Variants in F10 observed in about 807,000 individuals in gnomAD.
The protein encoded by F10 is coagulation factor X, also known as Stuart-Prower factor.
In F10, 29 loss-of-function variants were observed where a neutral mutation model predicts 37.1. The observed-to-expected ratio is 0.78, with a 90% CI of 0.58 to 1.07. The LOEUF (loss-of-function observed/expected upper bound fraction) is 1.07, where lower values mean the gene tolerates loss of function less well. Among genes scored for constraint, F10 ranks in the 50% least tolerant of loss-of-function variants. The probability of loss-of-function intolerance (pLI) is 0.00; values close to 1 mark genes in which losing one functional copy is unlikely to be tolerated. For missense variants in F10, 539 were observed against 667.9 expected (o/e 0.81, Z 2.13); for synonymous variants, 262 against 268.6 (o/e 0.98, Z 0.24).
chr13:113,140,873 C>T, intron 4 of F10, 46 bp from the exon 5 acceptor site: 5 of 1,613,628 alleles, frequency 3.1e-6, no homozygotes, highest in Non-Finnish European at 3.4e-6. Flanking sequence ...AGCCCAGCCT[C>T]CATTTCTCCA....
At chr13:113,137,996 G>C (rs2036494782) in intron 2 of F10, among the ~76,000 whole-genome samples, 1 of 152,164 alleles carries the variant, frequency 6.6e-6, no homozygotes, top group East Asian at 1.9e-4. Context: ...ATAAGCCTGT[G>C]GACATTTTTT....
At chr13:113,126,150 G>GC (rs1276346773) in intron 1 of F10, among the ~76,000 whole-genome samples, 4 of 152,140 alleles carry the variant, frequency 2.6e-5, no homozygotes, top group African/African-American at 9.7e-5. Flanking sequence ...GGCCTGGGAG[G>GC]CCTGGCCATG....
intron 5 of F10, among the ~76,000 whole-genome samples, chr13:113,142,279 T>C (rs141687158): frequency 0.078 from 11,816 of 152,136 alleles, 577 homozygotes; most frequent in Non-Finnish European, 0.11. Flanking sequence ...CAGTAGCTCA[T>C]GCCTGTAATC....
chr13:113,124,692 AGTCACGGAAGTTCTTCTGGGGC>A (rs1466137204), intron 1 of F10, among the ~76,000 whole-genome samples: 1 of 152,264 alleles, frequency 6.6e-6, no homozygotes, highest in Non-Finnish European at 1.5e-5. Flanking sequence ...CTGTCCTGGC[AGTCACGGAAGTTCTTCTGGGGC>A]GGTGGGACCT....
Position 113,149,009 on chromosome 13 carries a change from ACTTCGACATCG to A in F10, c.961_971del (p.Phe321ArgfsTer23). On this transcript the variant is annotated frameshift_variant, in exon 8 of 8. Coordinates refer to ENST00000375559, the MANE Select transcript of F10 (RefSeq NM_000504.4). LOFTEE classifies it low-confidence loss of function (END_TRUNC). This position sits in a 1 kb window ranked among gnomAD's most constrained non-coding sequence, Gnocchi z 7.5. ...AACCGGTTCACAAAGGAGACCTATGACTTCGACATCGCCGTGCTCCGGCTCAAGACCCCCAT... is the reference window on the plus strand; with the variant it reads ...AACCGGTTCACAAAGGAGACCTATGACCGTGCTCCGGCTCAAGACCCCCAT... 6.2e-7 allele frequency: 1 copy of A among 1,613,492 alleles called. No individual in the cohort carries two copies. The highest frequency in any genetic ancestry group is 8.5e-7 in the Non-Finnish European group (1 of 1,180,004).
chr13:113,148,345 A>AAAAAATATAT (rs1300922846), intron 7 of F10, among the ~76,000 whole-genome samples: 13 of 95,414 alleles, frequency 1.4e-4, no homozygotes, highest in African/African-American at 4.7e-4. Context: ...AAAAAAAAAA[A>AAAAAATATAT]ATATATATAT....
chr13:113,132,882 CA>C (rs2036446838), intron 2 of F10, among the ~76,000 whole-genome samples: 2 of 152,206 alleles, frequency 1.3e-5, no homozygotes, highest in South Asian at 4.2e-4. Flanking sequence ...ATTGAACTCA[CA>C]TAAAGTATGT....
Position 113,136,836 on chromosome 13 carries a change from G to T in F10, c.232-1621G>T, listed in dbSNP as rs1461216867. Among the ~76,000 whole-genome samples the T allele has an allele frequency of 7.2e-5, 3 of 41,700 alleles. 1 individual carries two copies. The highest frequency in any genetic ancestry group is 1.7e-4 in the African/African-American group (3 of 17,556). 27.4% of individuals were successfully genotyped at this position (41,700 alleles called of 152,430 possible). ...CGGCTAATTTTTTGTATTTTTAGTA[G>T]AGACGGGGTTTCACCGTTTTAGCTG... On this transcript the variant is annotated intron_variant, in intron 2 of 7. Transcript: ENST00000375559.
rs1555396300 is a variant in F10, at chr13:113,148,345, A to AATATATATATATATATATAT, written c.866-553_866-552insATATATATATATATATATAT. ...AACTCTGTCTCAAAAAAAAAAAAAA[A>AATATATATATATATATATAT]ATATATATATATATATATGTATATA... is the stretch of plus-strand genomic sequence containing the variant. On this transcript the variant is annotated intron_variant, in intron 7 of 7. Coordinates refer to ENST00000375559, the MANE Select transcript of F10 (RefSeq NM_000504.4). Among the ~76,000 whole-genome samples the AATATATATATATATATATAT allele has an allele frequency of 4.3e-4, 41 of 95,388 alleles. No individual in the cohort carries two copies. In the East Asian group the frequency reaches 0.012, roughly 28 times the overall value. The allele number at this position is 95,388 out of a possible 152,430, so 62.6% of individuals were successfully genotyped here.
chr13:113,136,112 G>A (rs190524571), intron 2 of F10, among the ~76,000 whole-genome samples: 1 of 152,196 alleles, frequency 6.6e-6, no homozygotes, highest in East Asian at 1.9e-4. Context: ...GAGGATATAT[G>A]GATAGAAAAT....
chr13:113,144,436 C>T lies in F10; in HGVS notation c.747+341C>T, dbSNP rs993081251. Among the ~76,000 whole-genome samples the T allele has an allele frequency of 2.0e-5, 3 of 152,304 alleles. No homozygotes were observed. Among genetic ancestry groups the T allele is most frequent in the South Asian group, 2.1e-4 (1 of 4,832 alleles). ...AAGAGAGGGAGAAGGCGCAGCCACA[C>T]GCTCAAGTGTCCTCAAACCTCCCCT... is the stretch of plus-strand genomic sequence containing the variant. On this transcript the variant is annotated intron_variant, in intron 6 of 7. Coordinates refer to ENST00000375559, the MANE Select transcript of F10 (RefSeq NM_000504.4). This position sits in a 1 kb window ranked among gnomAD's most constrained non-coding sequence, Gnocchi z 6.4.
In F10 at chr13:113,146,868, T is replaced by C. The variant is rs1412846068; in HGVS notation, c.748-511T>C. Among the ~76,000 whole-genome samples, 5 of 152,034 alleles carry C rather than the reference T, an allele frequency of 3.3e-5. No individual in the cohort carries two copies. The highest frequency in any genetic ancestry group is 5.9e-5 in the Non-Finnish European group (4 of 68,006). ...TGCTCCCCTGGGACCGTGTTCCAAG[T>C]CCTGGCAGGTAGGAGACCCTTCACA... On this transcript the variant is annotated intron_variant, in intron 6 of 7. Transcript: ENST00000375559. This position sits in a 1 kb window ranked among gnomAD's most constrained non-coding sequence, Gnocchi z 4.5.
Position 113,146,770 on chromosome 13 carries a change from C to T in F10, c.748-609C>T, listed in dbSNP as rs778922086. ...GGGAAACTCCCCAGAGAAAAGAAAA[C>T]CAAAATATGCCCGGGCTCCAAACTT... On this transcript the variant is annotated intron_variant, in intron 6 of 7. Coordinates refer to ENST00000375559, the MANE Select transcript of F10 (RefSeq NM_000504.4). The surrounding 1 kb of genome is among the most constrained non-coding windows in gnomAD (Gnocchi z 4.5). 2.6e-5 allele frequency among the ~76,000 whole-genome samples: 4 copies of T among 152,134 alleles called. No homozygotes were observed. Among genetic ancestry groups the T allele is most frequent in the Non-Finnish European group, 4.4e-5 (3 of 68,028 alleles).
In F10 at chr13:113,143,612, T is replaced by G. The variant is rs1409263742; in HGVS notation, c.503-239T>G. The stretch of plus-strand genomic sequence containing the variant: ...TCCCCTCGCTGCCTGGGTTGCTGCC[T>G]GGCGTCCATTGTTCACAGGCGGTCA... On this transcript the variant is annotated intron_variant, in intron 5 of 7. Coordinates refer to ENST00000375559, the MANE Select transcript of F10 (RefSeq NM_000504.4). The surrounding 1 kb of genome is among the most constrained non-coding windows in gnomAD (Gnocchi z 6.8). Among the ~76,000 whole-genome samples the G allele has an allele frequency of 1.3e-5, 2 of 152,202 alleles. No homozygotes were observed. Among genetic ancestry groups the G allele is most frequent in the Non-Finnish European group, 2.9e-5 (2 of 68,034 alleles).
intron 7 of F10, among the ~76,000 whole-genome samples, chr13:113,147,859 A>C (rs2036596728): frequency 6.6e-6 from 1 of 152,108 alleles, no homozygotes; most frequent in African/African-American, 2.4e-5. Flanking sequence ...ACATACTCTG[A>C]ACACCAAGCA....
chr13:113,146,110 G>C lies in F10; in HGVS notation c.748-1269G>C, dbSNP rs1480155664. On this transcript the variant is annotated intron_variant, in intron 6 of 7. Transcript: ENST00000375559. This position sits in a 1 kb window ranked among gnomAD's most constrained non-coding sequence, Gnocchi z 4.5. The stretch of plus-strand genomic sequence containing the variant: ...GGGTGAGCCTCTGTCTAACTATAAA[G>C]AGCCAAGCGAGAGAGGGATGCACTG... Among the ~76,000 whole-genome samples, 1 of 152,150 alleles carries C rather than the reference G, an allele frequency of 6.6e-6. No homozygotes were observed. The highest frequency in any genetic ancestry group is 2.4e-5 in the African/African-American group (1 of 41,436).
intron 6 of F10, among the ~76,000 whole-genome samples, chr13:113,145,268 C>G (rs2036572243): frequency 6.6e-6 from 1 of 152,124 alleles, no homozygotes; most frequent in African/African-American, 2.4e-5. Flanking sequence ...TCATGTGATC[C>G]ACCCTCCTCA....
chr13:113,136,078 G>C (rs944357752), intron 2 of F10, among the ~76,000 whole-genome samples: 13 of 152,000 alleles, frequency 8.6e-5, no homozygotes, highest in African/African-American at 2.9e-4. Flanking sequence ...TTAAACAAAA[G>C]ACCTTAACAG....
At chr13:113,126,505 G>C (rs183223829) in intron 1 of F10, among the ~76,000 whole-genome samples, 87 of 152,318 alleles carry the variant, frequency 5.7e-4, no homozygotes, top group African/African-American at 1.9e-3. Flanking sequence ...AGGCGCAAGG[G>C]ATCGACCAGA....
Sources: allele counts gnomAD v4.1 joint callset (sites outside exome capture counted in the v4.1 genomes callset), GRCh38; gene constraint gnomAD v4.1.1; non-coding constraint Gnocchi (gnomAD v3.1); transcripts MANE v1.5; gene names NCBI Gene and HGNC (gene_info 2026-07-23, HGNC 2026-07-21).